Variants in PDXDC1 observed in about 807,000 individuals in gnomAD.
PDXDC1 encodes the protein pyridoxal dependent decarboxylase domain containing 1.
In PDXDC1, 42 loss-of-function variants were observed where a neutral mutation model predicts 100.1. The ratio of observed to expected loss-of-function variants is 0.42; its 90% CI spans 0.33 to 0.54. PDXDC1 has a LOEUF of 0.54. Ranked by LOEUF, PDXDC1 falls within the 20% of genes least tolerant of loss-of-function variation. The pLI, the probability that PDXDC1 is intolerant of heterozygous loss-of-function variation, is 0.10. For missense variants in PDXDC1, 636 were observed against 979.2 expected (o/e 0.65, Z 4.68); for synonymous variants, 260 against 371.7 (o/e 0.70, Z 3.46).
intron 2 of PDXDC1, 104 bp from the exon 3 acceptor site, chr16:14,998,234 TCA>T (rs1343747763): frequency 9.5e-7 from 1 of 1,055,586 alleles, no homozygotes; most frequent in African/African-American, 1.6e-5. Flanking sequence ...AAATCCTGCC[TCA>T]GTCACTGGGA....
At chr16:15,146,663 C>T in the PDXDC1 span, among the ~76,000 whole-genome samples, 1 of 152,160 alleles carries the variant, frequency 6.6e-6, no homozygotes, top group East Asian at 1.9e-4. Context: ...TGGCTCCCGT[C>T]GTCCAGTGTC....
At chr16:15,034,239 C>T (rs1029973268) in intron 19 of PDXDC1, 47 bp from the exon 20 acceptor site, 1 of 1,547,194 alleles carries the variant, frequency 6.5e-7, no homozygotes, top group East Asian at 2.3e-5. Context: ...TTCTGGGCCC[C>T]AGGTGAGAAC....
At chr16:15,102,517 A>C (rs2046593401) in intron 16 of PDXDC1, among the ~76,000 whole-genome samples, 1 of 150,176 alleles carries the variant, frequency 6.7e-6, no homozygotes, top group African/African-American at 2.4e-5. Flanking sequence ...GAGAGGAGTC[A>C]TGTGTCACAG....
chr16:15,101,885 G>A (rs1598070641), intron 16 of PDXDC1, among the ~76,000 whole-genome samples: 1 of 151,790 alleles, frequency 6.6e-6, no homozygotes, highest in African/African-American at 2.4e-5. Flanking sequence ...GTCTTGCTCT[G>A]TTGCTCAGGC....
chr16:15,072,766 T>C (rs2045290548), intron 16 of PDXDC1, among the ~76,000 whole-genome samples: 2 of 151,840 alleles, frequency 1.3e-5, no homozygotes, highest in African/African-American at 4.8e-5. Context: ...AGACTGTGTC[T>C]CAAAAAAGAA....
At chr16:15,066,900 C>T (rs1009368706) in intron 16 of PDXDC1, among the ~76,000 whole-genome samples, 32 of 152,168 alleles carry the variant, frequency 2.1e-4, no homozygotes, top group African/African-American at 7.0e-4. Flanking sequence ...GCCTCCAATG[C>T]GCATGCCAAC....
At chr16:14,986,003 A>T (rs1450466029) in intron 1 of PDXDC1, among the ~76,000 whole-genome samples, 1 of 152,262 alleles carries the variant, frequency 6.6e-6, no homozygotes, top group Non-Finnish European at 1.5e-5. Context: ...CAGGGGGCTG[A>T]GGTTAGAGGA....
intron 16 of PDXDC1, chr16:15,128,120 C>G: frequency 6.2e-7 from 1 of 1,609,752 alleles, no homozygotes; most frequent in Non-Finnish European, 8.5e-7. Context: ...CTGCAGGAAC[C>G]AGGCAGGGCT....
chr16:14,975,344 C>G (rs1470588940), intron 1 of PDXDC1, 124 bp downstream of exon 1: 1 of 1,338,700 alleles, frequency 7.5e-7, no homozygotes, highest in African/African-American at 1.5e-5. Context: ...CTGACAGGCC[C>G]TGCCTGAGGA....
intron 16 of PDXDC1, among the ~76,000 whole-genome samples, chr16:15,046,924 G>A (rs562178620): frequency 2.8e-4 from 42 of 151,956 alleles, no homozygotes; most frequent in African/African-American, 9.7e-4. Flanking sequence ...GCCCCCTAGC[G>A]GTCCCCACAT....
At chr16:15,140,095 C>CA (rs372891971), downstream of PDXDC1, among the ~76,000 whole-genome samples, 8,518 of 43,750 alleles carry the variant, frequency 0.19, 1,716 homozygotes, top group East Asian at 0.6. Flanking sequence ...GACTCCATCT[C>CA]AAAAAAAAAA....
At chr16:15,133,317 C>G in intron 16 of PDXDC1, 1 of 1,546,172 alleles carries the variant, frequency 6.5e-7, no homozygotes, top group South Asian at 1.1e-5. Context: ...TGCTGGGGAT[C>G]GGCCTGCCGC....
intron 8 of PDXDC1, among the ~76,000 whole-genome samples, chr16:15,010,739 A>G (rs1330030103): frequency 6.6e-6 from 1 of 152,298 alleles, no homozygotes; most frequent in Non-Finnish European, 1.5e-5. Flanking sequence ...AGAAAACTAA[A>G]GAAAAGCTAC....
At chr16:15,034,175 A>G in intron 19 of PDXDC1, 111 bp from the exon 20 acceptor site, 2 of 851,774 alleles carry the variant, frequency 2.3e-6, no homozygotes, top group Non-Finnish European at 3.8e-6. Context: ...TTTTCAATGC[A>G]GGATTTCATT....
At chr16:15,109,990 G>T (rs1407274460) in intron 16 of PDXDC1, among the ~76,000 whole-genome samples, 1 of 145,810 alleles carries the variant, frequency 6.9e-6, no homozygotes, top group Non-Finnish European at 1.5e-5. Context: ...CCCATCTCTA[G>T]TAAAAATACA....
At chr16:15,068,357 A>G (rs1039448473) in intron 16 of PDXDC1, 54 of 1,479,072 alleles carry the variant, frequency 3.7e-5, no homozygotes, top group Admixed American at 2.6e-5. Context: ...AGCACAAATT[A>G]TCACACATTT....
At chr16:15,135,900 C>T in intron 16 of PDXDC1, 1 of 1,579,336 alleles carries the variant, frequency 6.3e-7, no homozygotes, top group Non-Finnish European at 8.6e-7. Flanking sequence ...ACAGGCAGCG[C>T]CAGCCGCGGC....
downstream of PDXDC1, among the ~76,000 whole-genome samples, chr16:15,142,432 C>T (rs773499719): frequency 3.6e-4 from 55 of 152,098 alleles, no homozygotes; most frequent in Non-Finnish European, 6.0e-4. Context: ...TTGGGGACCC[C>T]GCTCGGCCGA....
In PDXDC1 at chr16:15,037,797, C is replaced by CAAAAA; in HGVS notation, c.*1528_*1532dup. ...TTCTCCTCTGCCCGTTATTACCGAC[C>CAAAAA]AAAAAAAAAACTGGACATCAATTTT... On this transcript the variant is annotated 3_prime_UTR_variant, in exon 23 of 23. Transcript: ENST00000396410. The CAAAAA allele has an allele frequency of 1.2e-5, 5 of 400,844 alleles. No individual in the cohort carries two copies. Among genetic ancestry groups the CAAAAA allele is most frequent in the East Asian group, 1.2e-4 (3 of 24,390 alleles). The allele number at this position is 400,844 out of a possible 1,614,324, so 24.8% of individuals were successfully genotyped here.
Sources: gnomAD v4.1 joint callset for allele counts (sites outside exome capture counted in the v4.1 genomes callset) on GRCh38, gnomAD v4.1.1 for gene constraint, MANE v1.5 for transcripts, NCBI Gene and HGNC (gene_info 2026-07-23, HGNC 2026-07-21) for gene names.